Variants in AGMO observed in about 807,000 individuals in gnomAD.
The protein encoded by AGMO is glyceryl-ether monooxygenase.
A neutral mutation model predicts 60.2 loss-of-function variants in AGMO; 75 were observed. The ratio of observed to expected loss-of-function variants is 1.25; its 90% CI spans 1.03 to 1.51. The LOEUF is 1.51. Among genes scored for constraint, AGMO ranks in the 40% most tolerant of loss-of-function variants. The probability of loss-of-function intolerance (pLI) is 0.00; values close to 1 mark genes in which losing one functional copy is unlikely to be tolerated. For missense variants in AGMO, 763 were observed against 525.5 expected (o/e 1.45, Z -4.42); for synonymous variants, 261 against 177.1 (o/e 1.47, Z -3.76).
At chr7:15,523,451 G>C (rs533264640) in intron 3 of AGMO, among the ~76,000 whole-genome samples, 4 of 152,288 alleles carry the variant, frequency 2.6e-5, no homozygotes, top group African/African-American at 7.2e-5. Context: ...ATCCATGATA[G>C]ACTGGATAAA....
intron 3 of AGMO, among the ~76,000 whole-genome samples, chr7:15,507,732 A>C (rs967987775): frequency 6.6e-6 from 1 of 152,136 alleles, no homozygotes; most frequent in Non-Finnish European, 1.5e-5. Context: ...AATGTTTTTT[A>C]AACATTTTTA....
the AGMO span, among the ~76,000 whole-genome samples, chr7:15,163,486 G>T: frequency 1.3e-5 from 2 of 151,948 alleles, no homozygotes; most frequent in Non-Finnish European, 2.9e-5. Context: ...TTATTTTGAG[G>T]TGTATTCTTC....
intron 10 of AGMO, among the ~76,000 whole-genome samples, chr7:15,374,463 A>G (rs576306055): frequency 1.6e-4 from 25 of 152,130 alleles, no homozygotes; most frequent in Non-Finnish European, 2.1e-4. Context: ...AAAGCCAAAG[A>G]TTACATTGTA....
chr7:15,400,813 G>C (rs1270280673), intron 5 of AGMO, among the ~76,000 whole-genome samples: 1 of 152,184 alleles, frequency 6.6e-6, no homozygotes, highest in Non-Finnish European at 1.5e-5. Flanking sequence ...TCATTGGCAA[G>C]TGAATACCAT....
intron 10 of AGMO, among the ~76,000 whole-genome samples, chr7:15,371,831 C>A (rs1310463110): frequency 1.3e-5 from 2 of 152,126 alleles, no homozygotes; most frequent in African/African-American, 4.8e-5. Context: ...AGCCACCACA[C>A]CTCATCTAAT....
chr7:15,175,680 A>T, the AGMO span, among the ~76,000 whole-genome samples: 1 of 151,980 alleles, frequency 6.6e-6, no homozygotes, highest in African/African-American at 2.4e-5. Flanking sequence ...TTTAAAACAC[A>T]ATTTTTAAAT....
chr7:15,292,781 T>C (rs1344761184), intron 12 of AGMO, among the ~76,000 whole-genome samples: 2 of 114,526 alleles, frequency 1.7e-5, no homozygotes, highest in East Asian at 2.6e-4. Context: ...TTTTGAGACA[T>C]AGTCTCACTC....
the AGMO span, among the ~76,000 whole-genome samples, chr7:15,178,975 A>T: frequency 6.6e-6 from 1 of 152,100 alleles, no homozygotes; most frequent in Non-Finnish European, 1.5e-5. Flanking sequence ...GTCCTTTTAT[A>T]AGGAGCCCAT....
chr7:15,366,010 G>C (rs1245087619), intron 11 of AGMO, 130 bp downstream of exon 11: 25 of 649,438 alleles, frequency 3.8e-5, no homozygotes, highest in Non-Finnish European at 5.8e-5. Flanking sequence ...ATAATGAGAA[G>C]TCAAATACCA....
At chr7:15,273,955 T>C (rs1051520845) in intron 12 of AGMO, among the ~76,000 whole-genome samples, 1 of 152,220 alleles carries the variant, frequency 6.6e-6, no homozygotes, top group Admixed American at 6.5e-5. Flanking sequence ...ATGCTTGTGA[T>C]TTTTGTACAT....
intron 12 of AGMO, chr7:15,358,345 G>A: frequency 2.2e-6 from 1 of 456,652 alleles, no homozygotes; most frequent in South Asian, 1.6e-5. Context: ...TTGGGTTAAT[G>A]CTTTTTCAAA....
chr7:15,119,183 C>T, the AGMO span, among the ~76,000 whole-genome samples: 2 of 151,720 alleles, frequency 1.3e-5, no homozygotes, highest in East Asian at 3.9e-4. Flanking sequence ...ATCCCCAATG[C>T]TGGTCGTGGG....
chr7:15,499,264 A>G (rs1467036260), intron 3 of AGMO, among the ~76,000 whole-genome samples: 1 of 151,868 alleles, frequency 6.6e-6, no homozygotes, highest in African/African-American at 2.4e-5. Context: ...CTCAATAAAG[A>G]TGTTTTTTTA....
intron 12 of AGMO, among the ~76,000 whole-genome samples, chr7:15,364,866 A>G (rs1782910376): frequency 6.6e-6 from 1 of 152,096 alleles, no homozygotes; most frequent in South Asian, 2.1e-4. Context: ...TCTTGGCACC[A>G]AAGTTAAACA....
intron 12 of AGMO, among the ~76,000 whole-genome samples, chr7:15,271,925 A>G (rs1462750635): frequency 6.6e-6 from 1 of 152,076 alleles, no homozygotes; most frequent in African/African-American, 2.4e-5. Context: ...TGAGATGACC[A>G]TATGGTTTTT....
the AGMO span, among the ~76,000 whole-genome samples, chr7:15,184,957 G>A: frequency 6.6e-6 from 1 of 151,830 alleles, no homozygotes; most frequent in African/African-American, 2.4e-5. Flanking sequence ...AAGAAGGAGA[G>A]AAGGAAGTAT....
chr7:15,547,785 C>T (rs537789501), intron 2 of AGMO, among the ~76,000 whole-genome samples: 38 of 151,948 alleles, frequency 2.5e-4, no homozygotes, highest in South Asian at 8.3e-4. Flanking sequence ...ACAAAGCAGC[C>T]GGGAAGCTCC....
At chr7:15,417,786 T>C (rs1275128322) in intron 5 of AGMO, among the ~76,000 whole-genome samples, 1 of 152,208 alleles carries the variant, frequency 6.6e-6, no homozygotes, top group African/African-American at 2.4e-5. Flanking sequence ...CTGTGATTTG[T>C]AGTGTTGTTT....
chr7:15,540,521 T>C (rs747444383), intron 3 of AGMO, among the ~76,000 whole-genome samples: 19 of 152,250 alleles, frequency 1.2e-4, no homozygotes, highest in Admixed American at 2.6e-4. Context: ...GCCCCTTAAA[T>C]TGGCAAAGTC....
Sources: allele counts gnomAD v4.1 joint callset (sites outside exome capture counted in the v4.1 genomes callset), GRCh38; gene constraint gnomAD v4.1.1; transcripts MANE v1.5; gene names NCBI Gene and HGNC (gene_info 2026-07-23, HGNC 2026-07-21).